GRIA4: variants seen among roughly 807,000 people sequenced by gnomAD.
GRIA4 encodes the protein glutamate receptor 4.
A neutral mutation model predicts 104.0 loss-of-function variants in GRIA4; 34 were observed. The ratio of observed to expected loss-of-function variants is 0.33; its 90% CI spans 0.25 to 0.44. The LOEUF is 0.44. Among genes scored for constraint, GRIA4 ranks in the 20% least tolerant of loss-of-function variants. The pLI, the probability that GRIA4 is intolerant of heterozygous loss-of-function variation, is 1.00. For missense variants in GRIA4, 750 were observed against 1,096.5 expected, an observed-to-expected ratio of 0.68 and a Z score of 4.46; for synonymous variants, 386 against 381.9, an observed-to-expected ratio of 1.01 and a Z score of -0.13.
intron 14 of GRIA4, among the ~76,000 whole-genome samples, chr11:105,937,902 G>A (rs374800496): frequency 4.6e-5 from 7 of 152,172 alleles, no homozygotes; most frequent in South Asian, 2.1e-4. Flanking sequence ...AACAGGAACC[G>A]ATCCATTGAA....
chr11:105,912,076 T>C (rs1348968639), intron 10 of GRIA4: 1 of 1,123,994 alleles, frequency 8.9e-7, no homozygotes. Context: ...TTTTCTGAGA[T>C]ACTAGAACAA....
At chr11:105,703,488 GT>G in intron 3 of GRIA4, among the ~76,000 whole-genome samples, 1 of 152,000 alleles carries the variant, frequency 6.6e-6, no homozygotes, top group Non-Finnish European at 1.5e-5. Flanking sequence ...AAAGAAAAGT[GT>G]TCATGAAATC....
At chr11:105,913,617 G>C (rs535070388) in intron 10 of GRIA4, 4 of 304,528 alleles carry the variant, frequency 1.3e-5, no homozygotes, top group Non-Finnish European at 1.9e-5. Context: ...GGGAAAAGCA[G>C]TTTACAGTAG....
chr11:105,924,674 A>C lies in GRIA4; in HGVS notation c.1752A>C (p.Gly584=), dbSNP rs1480214993. The C allele has an allele frequency of 6.2e-7, 1 of 1,612,918 alleles. No homozygotes were observed. The highest frequency in any genetic ancestry group is 1.1e-5 in the South Asian group (1 of 91,058). The change falls in exon 12 of 17, where the codon GGA becomes GGC. Residue 584 remains glycine (G), a synonymous_variant. Transcript: ENST00000282499. ...HTEEPEDGKE[G]PSDQPPNEFG... ...AAGAGCCAGAGGACGGAAAGGAAGG[A>C]CCCAGCGACCAGCCTCCCAATGAGT...
At chr11:105,684,811 A>G (rs920494919) in intron 3 of GRIA4, among the ~76,000 whole-genome samples, 10 of 151,654 alleles carry the variant, frequency 6.6e-5, no homozygotes, top group Non-Finnish European at 1.2e-4. Context: ...TTAATGCCCT[A>G]GAAAGCAGTG....
At chr11:105,710,799 T>C (rs575234280) in intron 3 of GRIA4, among the ~76,000 whole-genome samples, 1 of 152,140 alleles carries the variant, frequency 6.6e-6, no homozygotes, top group Non-Finnish European at 1.5e-5. Flanking sequence ...ACTGAAATAG[T>C]TGCAAAACCA....
intron 3 of GRIA4, among the ~76,000 whole-genome samples, chr11:105,701,935 G>C (rs1358108865): frequency 6.6e-6 from 1 of 151,974 alleles, no homozygotes; most frequent in Non-Finnish European, 1.5e-5. Flanking sequence ...CTAGCCACTT[G>C]CATTTTTTTA....
intron 3 of GRIA4, among the ~76,000 whole-genome samples, chr11:105,692,440 A>C (rs1953123106): frequency 6.6e-6 from 1 of 152,150 alleles, no homozygotes; most frequent in Admixed American, 6.5e-5. Flanking sequence ...CTATTGCTTT[A>C]CACTTCCATA....
rs763888983 is a variant in GRIA4 at position 105,753,067 on chromosome 11, G to A, written c.334G>A (p.Ala112Thr). The A allele has an allele frequency of 2.1e-5, 34 of 1,613,560 alleles. No homozygotes were observed. Among genetic ancestry groups the A allele is most frequent in the African/African-American group, 5.3e-5 (4 of 74,832 alleles). The change falls in exon 4 of 17, where the codon GCC (alanine) becomes ACC (threonine). Residue 112 changes from alanine to threonine, a missense_variant. Around this residue, in one of 3 missense-constraint regions of GRIA4, gnomAD observed 410 missense variants for 502.7 expected, o/e 0.82. Transcript: ENST00000282499. The stretch of plus-strand genomic sequence containing the variant: ...ACATACCTTGACCTCATTCTGCAGC[G>A]CCTTACATATCTCCCTCATCACACC... ...SVHTLTSFCS[A>T]LHISLITPSF...
chr11:105,730,105 T>A (rs183825234), intron 3 of GRIA4, among the ~76,000 whole-genome samples: 1 of 152,320 alleles, frequency 6.6e-6, no homozygotes, highest in East Asian at 1.9e-4. Context: ...TGTTTGCAGA[T>A]GACATGATTG....
intron 4 of GRIA4, among the ~76,000 whole-genome samples, chr11:105,830,527 G>C (rs558870506): frequency 1.6e-4 from 24 of 152,052 alleles, no homozygotes; most frequent in Non-Finnish European, 2.9e-4. Context: ...CTATAGAGTT[G>C]ATGATGGCAC....
chr11:105,921,969 A>T (rs985077243), intron 11 of GRIA4, among the ~76,000 whole-genome samples: 1 of 152,122 alleles, frequency 6.6e-6, no homozygotes, highest in African/African-American at 2.4e-5. Context: ...ACACACACAA[A>T]AATAATTTTA....
chr11:105,627,673 C>A (rs77851489), intron 3 of GRIA4, among the ~76,000 whole-genome samples: 88 of 152,292 alleles, frequency 5.8e-4, no homozygotes, highest in Non-Finnish European at 1.1e-3. Flanking sequence ...GCAACAAATA[C>A]TTAGCTTATC....
At chr11:105,755,653 TC>T (rs1940262124) in intron 4 of GRIA4, among the ~76,000 whole-genome samples, 1 of 152,214 alleles carries the variant, frequency 6.6e-6, no homozygotes, top group Non-Finnish European at 1.5e-5. Context: ...TCTGAATGTG[TC>T]TGTGAGGTTG....
intron 3 of GRIA4, among the ~76,000 whole-genome samples, chr11:105,653,767 A>C (rs1340945787): frequency 6.6e-6 from 1 of 151,880 alleles, no homozygotes; most frequent in Non-Finnish European, 1.5e-5. Context: ...AAAATCAGGA[A>C]AGGAAACATG....
intron 5 of GRIA4, chr11:105,862,429 A>G (rs780812165): frequency 2.3e-6 from 1 of 432,496 alleles, no homozygotes. Flanking sequence ...TATTTCTCAC[A>G]TATTCTTAAG....
At chr11:105,671,886 T>A (rs1952386027) in intron 3 of GRIA4, among the ~76,000 whole-genome samples, 1 of 152,022 alleles carries the variant, frequency 6.6e-6, no homozygotes, top group Admixed American at 6.6e-5. Context: ...ATGTGCTGAC[T>A]TAGGAAGCTT....
chr11:105,964,774 C>G (rs1273307013), intron 14 of GRIA4, among the ~76,000 whole-genome samples: 4 of 151,722 alleles, frequency 2.6e-5, no homozygotes, highest in Non-Finnish European at 5.9e-5. Context: ...GAGGCAGAAG[C>G]CCATGACATG....
rs773040573 is a variant in GRIA4 at position 105,979,593 on chromosome 11, A to G, written c.2563A>G (p.Ile855Val). 4.3e-6 allele frequency: 7 copies of G among 1,614,200 alleles called. No homozygotes were observed. The highest frequency in any genetic ancestry group is 3.3e-5 in the South Asian group (3 of 91,088). Residue 855 changes from isoleucine to valine, a missense_variant, in exon 17 of 17, where the codon ATA becomes GTA. Transcript: ENST00000282499. ...AACCCAGCTGACCTTTTCTGAAGCCATAAGAAACAAAGCCAGATTATCCAT... is the reference window on the plus strand; with the variant it reads ...AACCCAGCTGACCTTTTCTGAAGCCGTAAGAAACAAAGCCAGATTATCCAT... ...KRMKLTFSEAIRNKARLSITG... is the reference protein window; with the variant it reads ...KRMKLTFSEAVRNKARLSITG...
Sources: allele counts gnomAD v4.1 joint callset (sites outside exome capture counted in the v4.1 genomes callset), GRCh38; gene constraint gnomAD v4.1.1; regional missense constraint gnomAD v4.1.1; transcripts MANE v1.5; gene names NCBI Gene and HGNC (gene_info 2026-07-23, HGNC 2026-07-21).